ATF7IP2: variants seen among roughly 807,000 people sequenced by gnomAD.
The protein encoded by ATF7IP2 is activating transcription factor 7-interacting protein 2.
ATF7IP2 carries 42 observed loss-of-function variants against 64.2 expected under a neutral mutation model. The ratio of observed to expected loss-of-function variants is 0.65; its 90% CI spans 0.51 to 0.85. ATF7IP2 has a LOEUF of 0.85. Among genes scored for constraint, ATF7IP2 ranks in the 40% least tolerant of loss-of-function variants. The probability of loss-of-function intolerance (pLI) is 0.00; values close to 1 mark genes in which losing one functional copy is unlikely to be tolerated. For synonymous variants in ATF7IP2, 308 were observed against 272.8 expected (o/e 1.13, Z -1.27); for missense variants, 933 against 784.2 (o/e 1.19, Z -2.27).
At chr16:10,424,844 G>GGT (rs904694963) in intron 3 of ATF7IP2, among the ~76,000 whole-genome samples, 2 of 152,102 alleles carry the variant, frequency 1.3e-5, no homozygotes, top group Admixed American at 6.6e-5. Flanking sequence ...AAGAAGTGTT[G>GGT]GTGAAAAGAT....
intron 3 of ATF7IP2, among the ~76,000 whole-genome samples, chr16:10,428,303 G>A (rs1210413642): frequency 2.0e-5 from 3 of 152,140 alleles, no homozygotes; most frequent in African/African-American, 7.2e-5. Context: ...TGCATCAAAT[G>A]TAGAGGCATT....
chr16:10,474,012 T>G, intron 12 of ATF7IP2, 23 bp downstream of exon 12: 1 of 1,519,094 alleles, frequency 6.6e-7, no homozygotes. Flanking sequence ...TTTAGATCTT[T>G]CTTTTGTAAA....
intron 8 of ATF7IP2, among the ~76,000 whole-genome samples, chr16:10,456,777 T>G (rs2049184151): frequency 6.6e-6 from 1 of 152,138 alleles, no homozygotes; most frequent in Admixed American, 6.5e-5. Context: ...AGTATGGAAT[T>G]GGGGGGTTAG....
intron 8 of ATF7IP2, among the ~76,000 whole-genome samples, chr16:10,443,895 T>A (rs1184422592): frequency 6.6e-6 from 1 of 152,128 alleles, no homozygotes; most frequent in Admixed American, 6.6e-5. Context: ...TTTAGCGATA[T>A]AGAGATAAGG....
chr16:10,459,701 C>G (rs2049308879), intron 9 of ATF7IP2, among the ~76,000 whole-genome samples: 1 of 152,088 alleles, frequency 6.6e-6, no homozygotes, highest in Non-Finnish European at 1.5e-5. Flanking sequence ...CCATTATCAA[C>G]TCACAACTCA....
chr16:10,389,340 A>G (rs898065187), intron 1 of ATF7IP2, among the ~76,000 whole-genome samples: 2 of 152,240 alleles, frequency 1.3e-5, no homozygotes, highest in Non-Finnish European at 1.5e-5. Context: ...TGTGAACTAC[A>G]GAACTGGATC....
At chr16:10,419,042 G>C (rs2141836658) in intron 2 of ATF7IP2, among the ~76,000 whole-genome samples, 1 of 152,318 alleles carries the variant, frequency 6.6e-6, no homozygotes, top group Non-Finnish European at 1.5e-5. Context: ...CAGCACCTCT[G>C]CCTGTTCTGC....
rs991904980 is a variant in ATF7IP2 at position 10,470,942 on chromosome 16, C to T, written c.1353-1168C>T. Among the ~76,000 whole-genome samples, 142 of 151,890 alleles carry T rather than the reference C, an allele frequency of 9.3e-4. 2 individuals carry two copies. The highest frequency in any genetic ancestry group is 3.2e-3 in the African/African-American group (134 of 41,420). ...GTTGGGAAAGAAAGTTAGAAGACTACACTATCTTTGTTCAAGACTTAACTA... is the reference window on the plus strand; with the variant it reads ...GTTGGGAAAGAAAGTTAGAAGACTATACTATCTTTGTTCAAGACTTAACTA... On this transcript the variant is annotated intron_variant, in intron 9 of 13. Coordinates refer to ENST00000562102, the MANE Select transcript of ATF7IP2 (RefSeq NM_001393719.1).
At chr16:10,479,996 T>G (rs1313337347) in intron 12 of ATF7IP2, among the ~76,000 whole-genome samples, 2 of 70,770 alleles carry the variant, frequency 2.8e-5, no homozygotes, top group Non-Finnish European at 5.4e-5. Flanking sequence ...TTTTTTTTTT[T>G]TTTTTGAGAC....
chr16:10,444,176 GATAAA>G (rs1174826992), intron 8 of ATF7IP2, among the ~76,000 whole-genome samples: 2 of 152,190 alleles, frequency 1.3e-5, no homozygotes, highest in African/African-American at 4.8e-5. Flanking sequence ...AGGTTACATT[GATAAA>G]ATAAAATGTT....
intron 3 of ATF7IP2, among the ~76,000 whole-genome samples, chr16:10,421,323 T>C (rs2047984763): frequency 6.6e-6 from 1 of 152,236 alleles, no homozygotes; most frequent in Admixed American, 6.5e-5. Flanking sequence ...GGATCTTTTC[T>C]ACTTATTTGA....
chr16:10,469,128 A>G lies in ATF7IP2; in HGVS notation c.1353-2982A>G, dbSNP rs114882605. On this transcript the variant is annotated intron_variant, in intron 9 of 13. Coordinates refer to ENST00000562102, the MANE Select transcript of ATF7IP2 (RefSeq NM_001393719.1). ...CTAATAAGAAATTCCCAGGCATGCA[A>G]CATAGCAAAAAATATGACCTATCAA... Among the ~76,000 whole-genome samples, 454 of 152,350 alleles carry G rather than the reference A, an allele frequency of 3.0e-3. 2 individuals carry two copies. The highest frequency in any genetic ancestry group is 9.7e-3 in the African/African-American group (404 of 41,582).
intron 1 of ATF7IP2, among the ~76,000 whole-genome samples, chr16:10,388,686 C>T (rs920628094): frequency 3.3e-5 from 5 of 152,146 alleles, no homozygotes; most frequent in African/African-American, 1.2e-4. Flanking sequence ...ATTAAAACTA[C>T]TGTAAGAAAG....
chr16:10,412,010 GTTT>G lies in ATF7IP2; in HGVS notation c.-241-2537_-241-2535del, dbSNP rs71133351. ...CTTTTTGTTTCATTTATCTTTTTTT[GTTT>G]TTTTTTTTTTTTTTTTTTTTTTTTT... is the stretch of plus-strand genomic sequence containing the variant. On this transcript the variant is annotated intron_variant, in intron 1 of 13. Transcript: ENST00000562102. 3.8e-3 allele frequency among the ~76,000 whole-genome samples: 224 copies of G among 58,406 alleles called. 3 individuals are homozygous for G. Among genetic ancestry groups the G allele is most frequent in the African/African-American group, 0.013 (210 of 16,364 alleles). The allele number at this position is 58,406 out of a possible 152,430, so 38.3% of individuals were successfully genotyped here.
At chr16:10,465,087 C>T (rs1253529596) in intron 9 of ATF7IP2, among the ~76,000 whole-genome samples, 1 of 152,192 alleles carries the variant, frequency 6.6e-6, no homozygotes, top group Non-Finnish European at 1.5e-5. Flanking sequence ...GCCTCAGCCT[C>T]CCAAAGTGGT....
Position 10,457,398 on chromosome 16 carries a change from G to A in ATF7IP2, c.1221G>A (p.Leu407=). ...TTGCAAATTCAGAGGCTATGATTTT[G>A]GATAAGAATCTTGAGTCAGTTAATA... ...SKVANSEAMI[L]DKNLESVNSP... The change falls in exon 9 of 14, where the codon TTG becomes TTA. Residue 407 remains leucine (L), a synonymous_variant. Coordinates refer to ENST00000562102, the MANE Select transcript of ATF7IP2 (RefSeq NM_001393719.1). The A allele has an allele frequency of 6.2e-7, 1 of 1,606,958 alleles. No homozygotes were observed. Among genetic ancestry groups the A allele is most frequent in the Non-Finnish European group, 8.5e-7 (1 of 1,177,862 alleles).
chr16:10,478,786 A>G (rs1374625290), intron 12 of ATF7IP2, among the ~76,000 whole-genome samples: 11 of 152,352 alleles, frequency 7.2e-5, no homozygotes, highest in Admixed American at 5.9e-4. Flanking sequence ...AGAATCTACA[A>G]TGAACTCAAA....
chr16:10,394,137 T>C (rs2141746183), intron 1 of ATF7IP2, among the ~76,000 whole-genome samples: 1 of 152,342 alleles, frequency 6.6e-6, no homozygotes, highest in Middle Eastern at 3.4e-3. Context: ...GCCTATAGGC[T>C]GTTTACAGGA....
intron 9 of ATF7IP2, 39 bp downstream of exon 9, chr16:10,457,568 C>G (rs375303503): frequency 7.1e-7 from 1 of 1,412,490 alleles, no homozygotes; most frequent in African/African-American, 1.5e-5. Context: ...TTATCTAAAT[C>G]TATAATAATG....
Sources: allele counts gnomAD v4.1 joint callset (sites outside exome capture counted in the v4.1 genomes callset), GRCh38; gene constraint gnomAD v4.1.1; transcripts MANE v1.5; gene names NCBI Gene and HGNC (gene_info 2026-07-23, HGNC 2026-07-21).